The following ATP2A2 variants were observed in gnomAD, a reference collection of about 807,000 sequenced individuals.
ATP2A2 encodes sarcoplasmic/endoplasmic reticulum calcium ATPase 2.
A neutral mutation model predicts 109.3 loss-of-function variants in ATP2A2; 14 were observed. That is an observed-to-expected ratio of 0.13 (90% CI 0.08 to 0.20). The LOEUF (loss-of-function observed/expected upper bound fraction) is 0.20, where lower values mean the gene tolerates loss of function less well. Among genes scored for constraint, ATP2A2 ranks in the 10% least tolerant of loss-of-function variants. The pLI, the probability that ATP2A2 is intolerant of heterozygous loss-of-function variation, is 1.00. For synonymous variants in ATP2A2, 506 were observed against 490.9 expected, an observed-to-expected ratio of 1.03 and a Z score of -0.41; for missense variants, 657 against 1,321.6, an observed-to-expected ratio of 0.50 and a Z score of 7.80.
intron 5 of ATP2A2, among the ~76,000 whole-genome samples, chr12:110,305,859 A>G (rs1164647565): frequency 1.3e-5 from 2 of 150,886 alleles, no homozygotes; most frequent in Non-Finnish European, 2.9e-5. Context: ...ATCCATGAGC[A>G]TAGGGATGTC....
chr12:110,296,127 G>T (rs761177815), intron 4 of ATP2A2: 24 of 166,606 alleles, frequency 1.4e-4, no homozygotes, highest in Non-Finnish European at 2.5e-4. Context: ...GTTTTGTTTT[G>T]TTTTTTTGAC....
intron 3 of ATP2A2, among the ~76,000 whole-genome samples, chr12:110,288,051 T>C (rs1240698324): frequency 6.6e-6 from 1 of 151,658 alleles, no homozygotes; most frequent in East Asian, 1.9e-4. Context: ...GCCTGATTCT[T>C]GAGCCTCCCA....
At chr12:110,318,104 G>A (rs936288953) in intron 5 of ATP2A2, among the ~76,000 whole-genome samples, 2 of 152,224 alleles carry the variant, frequency 1.3e-5, no homozygotes, top group Non-Finnish European at 2.9e-5. Context: ...GTTACAGGAT[G>A]TGATCATCGG....
intron 3 of ATP2A2, among the ~76,000 whole-genome samples, chr12:110,284,634 T>A (rs1872490332): frequency 6.6e-6 from 1 of 152,232 alleles, no homozygotes; most frequent in Non-Finnish European, 1.5e-5. Context: ...AGCAGGTTTT[T>A]AAATAAATGC....
At chr12:110,343,532 C>G in intron 16 of ATP2A2, 98 bp downstream of exon 16, 1 of 1,373,960 alleles carries the variant, frequency 7.3e-7, no homozygotes, top group Non-Finnish European at 1.0e-6. Flanking sequence ...TTTCTTCTAT[C>G]CCCGTATAGG....
In ATP2A2 at chr12:110,327,870, C is replaced by T; in HGVS notation, c.948C>T (p.Thr316=). The change falls in exon 8 of 20, where the codon ACC becomes ACT. Residue 316 remains threonine, a synonymous_variant. Transcript: ENST00000539276. This position sits in a 1 kb window ranked among gnomAD's most constrained non-coding sequence, Gnocchi z 4.4. The part of the protein sequence containing the change: ...AIPEGLPAVI[T]TCLALGTRRM... ...CTGAAGGTCTGCCTGCAGTCATCAC[C>T]ACCTGCCTGGCTCTTGGAACTCGCA... 6.2e-7 allele frequency: 1 copy of T among 1,614,158 alleles called. No individual in the cohort carries two copies. The highest frequency in any genetic ancestry group is 8.5e-7 in the Non-Finnish European group (1 of 1,180,024).
chr12:110,333,421 T>C (rs1426477055), intron 10 of ATP2A2, 138 bp downstream of exon 10: 11 of 798,620 alleles, frequency 1.4e-5, no homozygotes, highest in Non-Finnish European at 2.4e-5. Context: ...ATTCAGAACC[T>C]GATGGTGGGG....
At chr12:110,299,746 A>T (rs1183634110) in intron 5 of ATP2A2, among the ~76,000 whole-genome samples, 1 of 152,100 alleles carries the variant, frequency 6.6e-6, no homozygotes, top group Non-Finnish European at 1.5e-5. Flanking sequence ...CAGTCTCCTG[A>T]AAAACTGGGA....
intron 3 of ATP2A2, among the ~76,000 whole-genome samples, chr12:110,285,685 G>A (rs1231100528): frequency 6.6e-6 from 1 of 152,174 alleles, no homozygotes; most frequent in African/African-American, 2.4e-5. Flanking sequence ...GTGGGCATTA[G>A]GGCCATGTTG....
At position 110,345,292 on chromosome 12, in the gene ATP2A2, G is replaced by T; in HGVS notation, c.2651G>T (p.Gly884Val). Reference protein sequence around the residue: ...QCKEDNPDFEGVDCAIFESPY... With the variant: ...QCKEDNPDFEVVDCAIFESPY... Reference sequence around the variant, plus strand: ...AAAGAGGACAACCCGGACTTTGAAGGCGTGGATTGTGCAATCTTTGAATCC... The same window carrying T: ...AAAGAGGACAACCCGGACTTTGAAGTCGTGGATTGTGCAATCTTTGAATCC... Residue 884 changes from glycine to valine, a missense_variant, in exon 18 of 20, where the codon GGC becomes GTC. By Grantham distance (109) the Gly-to-Val change is moderately radical. Coordinates refer to ENST00000539276, the MANE Select transcript of ATP2A2 (RefSeq NM_170665.4). 2 of 1,614,150 alleles carry T rather than the reference G, an allele frequency of 1.2e-6. No individual in the cohort carries two copies. The highest frequency in any genetic ancestry group is 1.7e-6 in the Non-Finnish European group (2 of 1,180,022).
At position 110,334,009 on chromosome 12, in the gene ATP2A2, C is replaced by T. The variant is rs534293390; in HGVS notation, c.1288-3C>T. The T allele has an allele frequency of 1.2e-6, 2 of 1,614,058 alleles. No individual in the cohort carries two copies. The highest frequency in any genetic ancestry group is 2.7e-5 in the African/African-American group (2 of 75,032). ...CTACTTTCTGTGCCTTTAACCAATA[C>T]AGGCAAAGGGTGTGTATGAAAAAGT... On this transcript the variant is annotated splice_polypyrimidine_tract_variant and splice_region_variant and intron_variant, in intron 10 of 19. Transcript: ENST00000539276.
rs761539392 is a variant in ATP2A2, at chr12:110,343,263, G to A, written c.2350G>A (p.Glu784Lys). The change falls in exon 16 of 20, where the codon GAG becomes AAG. Residue 784 changes from glutamate (E) to lysine (K), a missense_variant. By Grantham distance (56) the Glu-to-Lys change is moderately conservative. Transcript: ENST00000539276. ...CCTGACAGCAGCCCTTGGATTTCCC[G>A]AGGCTTTGATTCCTGTTCAGCTGCT... Reference protein sequence around the residue: ...IFLTAALGFPEALIPVQLLWV... With the variant: ...IFLTAALGFPKALIPVQLLWV... 6.2e-7 allele frequency: 1 copy of A among 1,614,064 alleles called. No individual in the cohort carries two copies.
chr12:110,323,728 G>A (rs563922754), intron 6 of ATP2A2, among the ~76,000 whole-genome samples: 9 of 152,274 alleles, frequency 5.9e-5, no homozygotes, highest in African/African-American at 2.2e-4. Context: ...CTAGGTCAAG[G>A]CTACAGTGAG....
intron 11 of ATP2A2, among the ~76,000 whole-genome samples, chr12:110,336,634 G>A (rs538732751): frequency 6.6e-5 from 10 of 152,250 alleles, no homozygotes; most frequent in South Asian, 2.1e-4. Context: ...GTGGTCTTCC[G>A]GTTAGTGTGA....
chr12:110,335,507 C>T (rs1453754829), intron 11 of ATP2A2, among the ~76,000 whole-genome samples: 2 of 152,014 alleles, frequency 1.3e-5, no homozygotes, highest in Non-Finnish European at 2.9e-5. Context: ...AGAGTCAGAC[C>T]CCATCTCAAA....
chr12:110,289,180 C>T (rs907964583), intron 3 of ATP2A2, among the ~76,000 whole-genome samples: 4 of 152,162 alleles, frequency 2.6e-5, no homozygotes, highest in Non-Finnish European at 5.9e-5. Flanking sequence ...AAATTCATAC[C>T]CACTTTAACA....
rs2137816413 is a variant in ATP2A2 at position 110,327,919 on chromosome 12, G to A, written c.997G>A (p.Val333Ile). 1.2e-6 allele frequency: 2 copies of A among 1,614,068 alleles called. No individual in the cohort carries two copies. The highest frequency in any genetic ancestry group is 1.7e-4 in the Middle Eastern group (1 of 6,060). The change falls in exon 8 of 20, where the codon GTT (valine) becomes ATT (isoleucine). Residue 333 changes from valine to isoleucine, a missense_variant. Physicochemically the swap from Val to Ile is conservative, Grantham distance 29. Transcript: ENST00000539276. The surrounding 1 kb of genome is among the most constrained non-coding windows in gnomAD (Gnocchi z 4.4). The part of the protein sequence containing the change: ...TRRMAKKNAI[V>I]RSLPSVETLG... ...CAGAATGGCAAAGAAAAATGCCATT[G>A]TTCGAAGCCTCCCGTCTGTGGAAAC...
At position 110,346,007 on chromosome 12, in the gene ATP2A2, C is replaced by G. The variant is rs144955024; in HGVS notation, c.2748C>G (p.Ser916=). 1 of 1,614,032 alleles carries G rather than the reference C, an allele frequency of 6.2e-7. No homozygotes were observed. The highest frequency in any genetic ancestry group is 1.3e-5 in the African/African-American group (1 of 74,902). Residue 916 remains serine (S), a synonymous_variant, in exon 19 of 20, where the codon TCC becomes TCG. Transcript: ENST00000539276. The part of the protein sequence containing the change: ...IEMCNALNSL[S]ENQSLLRMPP... ...ACCTCTCCTTGCTCTGCAGCTTGTC[C>G]GAAAACCAGTCCTTGCTGAGGATGC... is the stretch of plus-strand genomic sequence containing the variant.
At chr12:110,321,413 CG>C (rs1387131946) in intron 5 of ATP2A2, among the ~76,000 whole-genome samples, 1 of 152,168 alleles carries the variant, frequency 6.6e-6, no homozygotes, top group South Asian at 2.1e-4. Context: ...GCTGCCCTTT[CG>C]TAAGACTTAC....
Sources: allele counts gnomAD v4.1 joint callset (sites outside exome capture counted in the v4.1 genomes callset), GRCh38; gene constraint gnomAD v4.1.1; non-coding constraint Gnocchi (gnomAD v3.1); transcripts MANE v1.5; gene names NCBI Gene and HGNC (gene_info 2026-07-23, HGNC 2026-07-21).